Variants in ISOC1 observed in about 807,000 individuals in gnomAD.
The protein encoded by ISOC1 is isochorismatase domain containing 1, also known as isochorismatase domain-containing protein 1.
A neutral mutation model predicts 30.0 loss-of-function variants in ISOC1; 33 were observed. The observed-to-expected ratio is 1.10, with a 90% CI of 0.83 to 1.47. ISOC1 has a LOEUF of 1.47. Among genes scored for constraint, ISOC1 ranks in the 40% most tolerant of loss-of-function variants. The pLI is 0.00. For missense variants in ISOC1, 372 were observed against 388.0 expected (o/e 0.96, Z 0.35); for synonymous variants, 178 against 159.8 (o/e 1.11, Z -0.86).
Position 129,113,117 on chromosome 5 carries a change from C to T in ISOC1, c.*116C>T. Reference sequence around the variant, plus strand: ...AATTAAAATGTTAAGTCAAAAACGGCTCCTTTTTTGCGCCTCCTAGTGAAA... The same window carrying T: ...AATTAAAATGTTAAGTCAAAAACGGTTCCTTTTTTGCGCCTCCTAGTGAAA... On this transcript the variant is annotated 3_prime_UTR_variant, in exon 5 of 5. Transcript: ENST00000173527. 3 of 1,008,192 alleles carry T rather than the reference C, an allele frequency of 3.0e-6. No homozygotes were observed. The highest frequency in any genetic ancestry group is 2.8e-6 in the Non-Finnish European group (2 of 721,348). The allele number at this position is 1,008,192 out of a possible 1,614,324, so 62.5% of individuals were successfully genotyped here.
rs1753740167 is a variant in ISOC1 at position 129,113,751 on chromosome 5, A to G, written c.*750A>G. 1 of 152,176 alleles carries G rather than the reference A, an allele frequency of 6.6e-6. No individual in the cohort carries two copies. The highest frequency in any genetic ancestry group is 2.4e-5 in the African/African-American group (1 of 41,440). 9.4% of individuals were successfully genotyped at this position (152,176 alleles called of 1,614,324 possible). ...CTGAATATCTTTACCAACATCTTGA[A>G]TATATATTCTAGTGTCCACAAGATT... is the stretch of plus-strand genomic sequence containing the variant. On this transcript the variant is annotated 3_prime_UTR_variant, in exon 5 of 5. Coordinates refer to ENST00000173527, the MANE Select transcript of ISOC1 (RefSeq NM_016048.2).
rs192802676 is a variant in ISOC1, at chr5:129,104,584, T to C, written c.310-372T>C. Among the ~76,000 whole-genome samples the C allele has an allele frequency of 2.2e-4, 34 of 152,274 alleles. No homozygotes were observed. The East Asian group carries it at 6.6e-3, about 29-fold the overall frequency. On this transcript the variant is annotated intron_variant, in intron 1 of 4. Transcript: ENST00000173527. Reference sequence around the variant, plus strand: ...ATATTTTTACATTATTGAAATACTATTGAACTGCACTTTTTAAAAATTAAC... The same window carrying C: ...ATATTTTTACATTATTGAAATACTACTGAACTGCACTTTTTAAAAATTAAC...
At chr5:129,110,127 C>T (rs1177192735) in intron 4 of ISOC1, among the ~76,000 whole-genome samples, 1 of 152,116 alleles carries the variant, frequency 6.6e-6, no homozygotes, top group African/African-American at 2.4e-5. Flanking sequence ...TGGGTTTAGT[C>T]TTTTTCCCCC....
intron 1 of ISOC1, among the ~76,000 whole-genome samples, chr5:129,095,490 A>ATT (rs1753485158): frequency 6.6e-6 from 1 of 152,072 alleles, no homozygotes; most frequent in Non-Finnish European, 1.5e-5. Context: ...TGTGGGGAGT[A>ATT]TTGGTCTTAG....
intron 1 of ISOC1, among the ~76,000 whole-genome samples, chr5:129,096,418 CA>C (rs1206751236): frequency 1.3e-5 from 2 of 152,094 alleles, no homozygotes; most frequent in Non-Finnish European, 2.9e-5. Flanking sequence ...ACACCTGTGC[CA>C]GAAGTGTCCA....
At position 129,095,133 on chromosome 5, in the gene ISOC1, C is replaced by A. The variant is rs1161685624; in HGVS notation, c.309+58C>A. 6 of 1,446,956 alleles carry A rather than the reference C, an allele frequency of 4.1e-6. No individual in the cohort carries two copies. In the East Asian group the frequency reaches 1.6e-4, roughly 37 times the overall value. 89.6% of individuals were successfully genotyped at this position (1,446,956 alleles called of 1,614,324 possible). A position where few individuals can be genotyped will look rare whatever the true frequency, so the allele number is the denominator to read the frequency against. ...TTCCCGAGTCGTCCCCGTCCCCGTCCCTGTCCCCGCCTTCGCCGCGCTCCT... is the reference window on the plus strand; with the variant it reads ...TTCCCGAGTCGTCCCCGTCCCCGTCACTGTCCCCGCCTTCGCCGCGCTCCT... On this transcript the variant is annotated intron_variant, in intron 1 of 4. Transcript: ENST00000173527.
At chr5:129,101,938 T>C (rs1753576490) in intron 1 of ISOC1, among the ~76,000 whole-genome samples, 1 of 152,160 alleles carries the variant, frequency 6.6e-6, no homozygotes, top group African/African-American at 2.4e-5. Flanking sequence ...GTTTTTCTCA[T>C]TGTTGGATCG....
chr5:129,098,609 C>G (rs187524259), intron 1 of ISOC1, among the ~76,000 whole-genome samples: 187 of 152,246 alleles, frequency 1.2e-3, no homozygotes, highest in African/African-American at 3.6e-3. Flanking sequence ...AAGACAGAGC[C>G]TGCAGAGAAG....
intron 1 of ISOC1, among the ~76,000 whole-genome samples, chr5:129,099,780 A>G (rs913806579): frequency 2.0e-5 from 3 of 152,218 alleles, no homozygotes; most frequent in Non-Finnish European, 4.4e-5. Flanking sequence ...TATGAGGGAC[A>G]TCAGAATAGC....
chr5:129,105,173 AT>A lies in ISOC1; in HGVS notation c.430-4del. On this transcript the variant is annotated splice_polypyrimidine_tract_variant and intron_variant, in intron 2 of 4. Transcript: ENST00000173527. ...TAGCTAATTGTTTTTGTGTTTGGTT[AT>A]TTTTTTTCAGTTGCAAGGGGCCCGG... 10 of 1,612,042 alleles carry A rather than the reference AT, an allele frequency of 6.2e-6. No individual in the cohort carries two copies. The highest frequency in any genetic ancestry group is 1.1e-5 in the South Asian group (1 of 90,956).
At chr5:129,112,709 C>G (rs1753724132) in intron 4 of ISOC1, 146 bp from the exon 5 acceptor site, 8 of 744,856 alleles carry the variant, frequency 1.1e-5, no homozygotes, top group Middle Eastern at 7.7e-4. Context: ...TGAAATCCAT[C>G]CCCATCACTG....
chr5:129,109,456 G>T (rs1402550342), intron 4 of ISOC1, among the ~76,000 whole-genome samples: 1 of 152,152 alleles, frequency 6.6e-6, no homozygotes, highest in African/African-American at 2.4e-5. Context: ...GTTACTGATT[G>T]TTGTCTTCAC....
At position 129,112,976 on chromosome 5, in the gene ISOC1, A is replaced by T; in HGVS notation, c.872A>T (p.Glu291Val). ...IQNLIKASAPESGLLSKV is the reference protein window; with the variant it reads ...IQNLIKASAPVSGLLSKV ...AATCTAATTAAGGCGAGTGCTCCAGAGTCGGGTCTGCTTTCCAAAGTATAG... is the reference window on the plus strand; with the variant it reads ...AATCTAATTAAGGCGAGTGCTCCAGTGTCGGGTCTGCTTTCCAAAGTATAG... Residue 291 changes from glutamate to valine, a missense_variant, in exon 5 of 5, where the codon GAG (glutamate) becomes GTG (valine). Transcript: ENST00000173527. 1 of 1,613,538 alleles carries T rather than the reference A, an allele frequency of 6.2e-7. No individual in the cohort carries two copies. Among genetic ancestry groups the T allele is most frequent in the Non-Finnish European group, 8.5e-7 (1 of 1,179,628 alleles).
chr5:129,099,457 T>C (rs1753545813), intron 1 of ISOC1, among the ~76,000 whole-genome samples: 1 of 152,218 alleles, frequency 6.6e-6, no homozygotes, highest in African/African-American at 2.4e-5. Context: ...TAGGTGAATA[T>C]GTTGTAAAAA....
rs1334569408 is a variant in ISOC1 at position 129,094,989 on chromosome 5, G to A, written c.223G>A (p.Glu75Lys). The change falls in exon 1 of 5, where the codon GAG (glutamate) becomes AAG (lysine). Residue 75 changes from glutamate (E) to lysine (K), a missense_variant. Glu to Lys is a moderately conservative substitution (Grantham distance 56). Transcript: ENST00000173527. Reference sequence around the variant, plus strand: ...CAAATTCGTGGTGCAGCTGTTCGCCGAGGAGTGGGGCCAGTACGTGGACTT... The same window carrying A: ...CAAATTCGTGGTGCAGCTGTTCGCCAAGGAGTGGGGCCAGTACGTGGACTT... Reference protein sequence around the residue: ...HRKFVVQLFAEEWGQYVDLPK... With the variant: ...HRKFVVQLFAKEWGQYVDLPK... The A allele has an allele frequency of 6.2e-7, 1 of 1,610,642 alleles. No individual in the cohort carries two copies. The highest frequency in any genetic ancestry group is 1.7e-5 in the Admixed American group (1 of 59,874).
intron 4 of ISOC1, among the ~76,000 whole-genome samples, chr5:129,111,267 G>A (rs961498992): frequency 6.6e-5 from 10 of 151,942 alleles, no homozygotes; most frequent in African/African-American, 2.4e-4. Flanking sequence ...AATAGCTGCT[G>A]TTTTTGTTTT....
At chr5:129,102,019 T>TA (rs1165564178) in intron 1 of ISOC1, among the ~76,000 whole-genome samples, 1 of 152,182 alleles carries the variant, frequency 6.6e-6, no homozygotes, top group Non-Finnish European at 1.5e-5. Flanking sequence ...TACATGTTAT[T>TA]AACATGATGT....
chr5:129,102,729 T>G (rs1295306227), intron 1 of ISOC1, among the ~76,000 whole-genome samples: 1 of 152,202 alleles, frequency 6.6e-6, no homozygotes, highest in Non-Finnish European at 1.5e-5. Flanking sequence ...AGTTTTGATC[T>G]GTTTTTATTG....
intron 1 of ISOC1, among the ~76,000 whole-genome samples, chr5:129,100,879 T>C (rs1026436745): frequency 6.6e-5 from 10 of 151,498 alleles, no homozygotes; most frequent in African/African-American, 2.2e-4. Flanking sequence ...ATAGACGTTA[T>C]TCCCCCAAAT....
Sources: gnomAD v4.1 joint callset for allele counts (sites outside exome capture counted in the v4.1 genomes callset) on GRCh38, gnomAD v4.1.1 for gene constraint, MANE v1.5 for transcripts, NCBI Gene and HGNC (gene_info 2026-07-23, HGNC 2026-07-21) for gene names.